The following SGCD variants were observed in gnomAD, a reference collection of about 807,000 sequenced individuals.
SGCD encodes the protein sarcoglycan delta.
Under a neutral mutation model 36.6 loss-of-function variants are expected in SGCD, and 18 were observed. That is an observed-to-expected ratio of 0.49 (90% CI 0.34 to 0.73). The LOEUF is 0.73. Among genes scored for constraint, SGCD ranks in the 30% least tolerant of loss-of-function variants. The pLI is 0.01. For missense variants in SGCD, 387 were observed against 346.7 expected, an observed-to-expected ratio of 1.12 and a Z score of -0.92; for synonymous variants, 133 against 130.6, an observed-to-expected ratio of 1.02 and a Z score of -0.12.
chr5:156,163,329 C>A (rs188397297), intron 3 of SGCD, among the ~76,000 whole-genome samples: 1 of 151,410 alleles, frequency 6.6e-6, no homozygotes, highest in Admixed American at 6.6e-5. Flanking sequence ...TTTGAGGAAC[C>A]CTGTCAGAGT....
the SGCD span, among the ~76,000 whole-genome samples, chr5:155,763,493 G>A: frequency 6.6e-6 from 1 of 152,124 alleles, no homozygotes; most frequent in African/African-American, 2.4e-5. Context: ...CCAACAAGAT[G>A]GGCATTCCTC....
rs545201289 is a variant in SGCD, at chr5:156,606,332, G to A, written c.502+11281G>A. ...TTTCCCCATTTCTTCTTTTTGTCAGGTATGTCAAAGATCAGATAGTTGTAG... is the reference window on the plus strand; with the variant it reads ...TTTCCCCATTTCTTCTTTTTGTCAGATATGTCAAAGATCAGATAGTTGTAG... On this transcript the variant is annotated intron_variant, in intron 6 of 8. Coordinates refer to ENST00000337851, the MANE Select transcript of SGCD (RefSeq NM_000337.6). 4.6e-5 allele frequency among the ~76,000 whole-genome samples: 7 copies of A among 152,172 alleles called. No individual in the cohort carries two copies. In the East Asian group the frequency reaches 5.8e-4, roughly 13 times the overall value.
chr5:156,022,922 A>G (rs1157647794), intron 1 of SGCD, among the ~76,000 whole-genome samples: 1 of 152,200 alleles, frequency 6.6e-6, no homozygotes, highest in Non-Finnish European at 1.5e-5. Flanking sequence ...AATACGGTAC[A>G]AGGTGCTTTT....
chr5:156,255,399 G>C (rs536624788), intron 3 of SGCD, among the ~76,000 whole-genome samples: 1 of 152,184 alleles, frequency 6.6e-6, no homozygotes, highest in Non-Finnish European at 1.5e-5. Flanking sequence ...TTCTTATAAT[G>C]TTTATCTGGG....
At chr5:155,831,622 G>C in the SGCD span, among the ~76,000 whole-genome samples, 1 of 152,190 alleles carries the variant, frequency 6.6e-6, no homozygotes, top group Non-Finnish European at 1.5e-5. Context: ...TCTCTGAGGA[G>C]CTGTGATTTC....
intron 7 of SGCD, among the ~76,000 whole-genome samples, chr5:156,676,962 G>C (rs1307197041): frequency 2.6e-5 from 4 of 152,176 alleles, no homozygotes; most frequent in African/African-American, 9.7e-5. Flanking sequence ...CCTAGGCAAG[G>C]TGATCAGCAT....
At chr5:156,480,607 G>C (rs1015642193) in intron 3 of SGCD, among the ~76,000 whole-genome samples, 1 of 152,192 alleles carries the variant, frequency 6.6e-6, no homozygotes, top group Non-Finnish European at 1.5e-5. Flanking sequence ...TGCTACCCCA[G>C]ATGGCACATG....
chr5:156,346,782 A>AT (rs535525176), intron 3 of SGCD, among the ~76,000 whole-genome samples: 1 of 151,024 alleles, frequency 6.6e-6, no homozygotes, highest in Non-Finnish European at 1.5e-5. Context: ...GCTTTACTTT[A>AT]TTTTTTTATT....
Position 156,640,162 on chromosome 5 carries a change from T to C in SGCD, c.503-7302T>C, listed in dbSNP as rs575355006. Among the ~76,000 whole-genome samples the C allele has an allele frequency of 3.3e-4, 51 of 152,282 alleles. 1 individual carries two copies. In the East Asian group the frequency reaches 8.3e-3, roughly 25 times the overall value. On this transcript the variant is annotated intron_variant, in intron 6 of 8. Transcript: ENST00000337851. The stretch of plus-strand genomic sequence containing the variant: ...TCCAATAGTGCTCTTCTGAGGAATT[T>C]TTCTTCAGGCTTTTTTCTTTTTCTT...
chr5:156,471,098 G>A (rs1290522560), intron 3 of SGCD, among the ~76,000 whole-genome samples: 1 of 152,092 alleles, frequency 6.6e-6, no homozygotes, highest in African/African-American at 2.4e-5. Context: ...TATTACAATA[G>A]ACAAATACAG....
intron 3 of SGCD, among the ~76,000 whole-genome samples, chr5:156,400,453 C>T (rs1772084372): frequency 2.6e-5 from 4 of 152,142 alleles, no homozygotes; most frequent in Admixed American, 6.5e-5. Context: ...TTAAAGGGGA[C>T]ATCTGGACAG....
In SGCD at chr5:156,278,047, G is replaced by T. The variant is rs144425855; in HGVS notation, c.-43-51487G>T. ...AAAAGGGGAGGGAGCATCAGATTGCGTTGTAAGGAAAGGTGATGCTTGAGC... is the reference window on the plus strand; with the variant it reads ...AAAAGGGGAGGGAGCATCAGATTGCTTTGTAAGGAAAGGTGATGCTTGAGC... On this transcript the variant is annotated intron_variant, in intron 3 of 9. Transcript: ENST00000517913. Among the ~76,000 whole-genome samples the T allele has an allele frequency of 5.1e-3, 774 of 152,308 alleles. 3 individuals carry two copies. The highest frequency in any genetic ancestry group is 8.0e-3 in the Non-Finnish European group (545 of 68,036).
At chr5:155,765,454 A>G in the SGCD span, among the ~76,000 whole-genome samples, 27 of 149,806 alleles carry the variant, frequency 1.8e-4, no homozygotes, top group African/African-American at 4.7e-4. Context: ...GGGAGGGAGG[A>G]AGGAAGGAAG....
At chr5:155,947,388 G>T (rs1757461146) in intron 1 of SGCD, among the ~76,000 whole-genome samples, 1 of 150,264 alleles carries the variant, frequency 6.7e-6, no homozygotes, top group South Asian at 2.1e-4. Flanking sequence ...TTGCATAACA[G>T]TTATGTTAAT....
intron 4 of SGCD, among the ~76,000 whole-genome samples, chr5:156,582,828 C>A (rs1003681636): frequency 6.6e-6 from 1 of 152,344 alleles, no homozygotes; most frequent in Middle Eastern, 3.4e-3. Flanking sequence ...CGCGCACACA[C>A]ACACACACAC....
At chr5:156,098,557 T>C (rs1254584666) in intron 1 of SGCD, among the ~76,000 whole-genome samples, 1 of 151,948 alleles carries the variant, frequency 6.6e-6, no homozygotes, top group Non-Finnish European at 1.5e-5. Flanking sequence ...TAAATAGCAT[T>C]TTATTTTGGA....
At chr5:155,955,105 A>G (rs1167935074) in intron 1 of SGCD, among the ~76,000 whole-genome samples, 1 of 152,094 alleles carries the variant, frequency 6.6e-6, no homozygotes, top group South Asian at 2.1e-4. Context: ...GATGAGGCCT[A>G]CTTGTGTCAG....
Position 156,189,970 on chromosome 5 carries a change from T to C in SGCD, c.-44+65951T>C, listed in dbSNP as rs147616243. Among the ~76,000 whole-genome samples the C allele has an allele frequency of 2.6e-5, 4 of 152,264 alleles. No individual in the cohort carries two copies. In the East Asian group the frequency reaches 7.7e-4, roughly 29 times the overall value. ...GCAAATAGGTTTCCCTTGAAAGATG[T>C]TGACAAATTAGAGCCAGATCTGCAA... On this transcript the variant is annotated intron_variant, in intron 3 of 9. Transcript: ENST00000517913.
intron 6 of SGCD, among the ~76,000 whole-genome samples, chr5:156,621,513 T>A (rs1427180510): frequency 7.4e-6 from 1 of 135,666 alleles, no homozygotes; most frequent in African/African-American, 3.1e-5. Flanking sequence ...TTTTAAGCAT[T>A]TACGTTAAAA....
Sources: allele counts gnomAD v4.1 joint callset (sites outside exome capture counted in the v4.1 genomes callset), GRCh38; gene constraint gnomAD v4.1.1; transcripts MANE v1.5; gene names NCBI Gene and HGNC (gene_info 2026-07-23, HGNC 2026-07-21).